The following LAMA5 variants were observed in gnomAD, a reference collection of about 807,000 sequenced individuals.
The protein encoded by LAMA5 is laminin subunit alpha 5, also known as laminin subunit alpha-5.
A neutral mutation model predicts 433.4 loss-of-function variants in LAMA5; 260 were observed. The observed-to-expected ratio is 0.60, with a 90% CI of 0.54 to 0.66. LAMA5 has a LOEUF of 0.66. Ranked by LOEUF, LAMA5 falls within the 30% of genes least tolerant of loss-of-function variation. LAMA5 has a pLI of 0.00. For missense variants in LAMA5, 5,378 were observed against 5,258.5 expected, an observed-to-expected ratio of 1.02 and a Z score of -0.70; for synonymous variants, 2,620 against 2,226.6, an observed-to-expected ratio of 1.18 and a Z score of -4.97.
At position 62,309,796 on chromosome 20, in the gene LAMA5, G is replaced by A. The variant is rs140197067; in HGVS notation, c.10868C>T (p.Ala3623Val). Residue 3623 changes from alanine (A) to valine (V), a missense_variant, in exon 79 of 80, where the codon GCG (alanine) becomes GTG (valine). By Grantham distance (64) the Ala-to-Val change is moderately conservative (BLOSUM62 0). Coordinates refer to ENST00000252999, the MANE Select transcript of LAMA5 (RefSeq NM_005560.6). ...GGGGCCCACGGTGTGGTTGCTCTGCGCGTCCACCTCCAGCCGGAGCACATT... is the reference window on the plus strand; with the variant it reads ...GGGGCCCACGGTGTGGTTGCTCTGCACGTCCACCTCCAGCCGGAGCACATT... ...SGNVLRLEVD[A>V]QSNHTVGPLL... The A allele has an allele frequency of 8.5e-3, 13,761 of 1,610,506 alleles. 90 individuals carry two copies. Among genetic ancestry groups the A allele is most frequent in the Non-Finnish European group, 0.011 (12,553 of 1,179,260 alleles).
Position 62,338,616 on chromosome 20 carries a change from G to T in LAMA5, c.1478-8C>A. Reference sequence around the variant, plus strand: ...CCGCGCTGCAGTCACAATCTGGAGGGTGGGGACAGGCAGGGGAGTCTCAGA... The same window carrying T: ...CCGCGCTGCAGTCACAATCTGGAGGTTGGGGACAGGCAGGGGAGTCTCAGA... On this transcript the variant is annotated splice_polypyrimidine_tract_variant and splice_region_variant and intron_variant, in intron 11 of 79. Transcript: ENST00000252999. The T allele has an allele frequency of 1.2e-6, 2 of 1,605,688 alleles. No homozygotes were observed. The highest frequency in any genetic ancestry group is 1.7e-6 in the Non-Finnish European group (2 of 1,178,126).
intron 11 of LAMA5, among the ~76,000 whole-genome samples, chr20:62,341,080 A>AAAAT (rs1982527994): frequency 6.7e-6 from 1 of 150,362 alleles, no homozygotes; most frequent in Admixed American, 6.6e-5. Flanking sequence ...ATAAATAAAT[A>AAAAT]AAATTAAAAA....
intron 28 of LAMA5, among the ~76,000 whole-genome samples, chr20:62,331,495 C>T (rs1308996843): frequency 4.6e-5 from 7 of 152,140 alleles, no homozygotes; most frequent in Admixed American, 1.3e-4. Flanking sequence ...TGCGGCTCCT[C>T]CCATAGCCCT....
rs372254142 is a variant in LAMA5 at position 62,323,480 on chromosome 20, C to T, written c.6040G>A (p.Ala2014Thr). The change falls in exon 45 of 80, where the codon GCC becomes ACC. Residue 2014 changes from alanine to threonine, a missense_variant. Transcript: ENST00000252999. ...EICAPGFYGN[A>T]LLPGNCTRCD... The stretch of plus-strand genomic sequence containing the variant: ...CGGGTGCAGTTGCCGGGCAGCAGGG[C>T]GTTGCCGTAGAAGCCGGGGGCACAG... The T allele has an allele frequency of 1.4e-5, 22 of 1,546,718 alleles. No homozygotes were observed. Among genetic ancestry groups the T allele is most frequent in the East Asian group, 7.2e-5 (3 of 41,588 alleles).
intron 48 of LAMA5, among the ~76,000 whole-genome samples, chr20:62,321,768 G>A (rs1484782363): frequency 6.8e-6 from 1 of 146,660 alleles, no homozygotes; most frequent in Non-Finnish European, 1.5e-5. Flanking sequence ...GGTCAGTGGG[G>A]GAGGAAGGGC....
rs752379486 is a variant in LAMA5 at position 62,327,222 on chromosome 20, G to A, written c.5112+11C>T. 5.3e-4 allele frequency: 789 copies of A among 1,495,494 alleles called. No individual in the cohort carries two copies. Among genetic ancestry groups the A allele is most frequent in the Non-Finnish European group, 6.5e-4 (728 of 1,126,338 alleles). The allele number at this position is 1,495,494 out of a possible 1,614,324, so 92.6% of individuals were successfully genotyped here. A position where few individuals can be genotyped will look rare whatever the true frequency, so the allele number is the denominator to read the frequency against. On this transcript the variant is annotated intron_variant, in intron 38 of 79. Coordinates refer to ENST00000252999, the MANE Select transcript of LAMA5 (RefSeq NM_005560.6). ...TCAAAGTGCCTCCCCCAGACCTGAT[G>A]CCCTGCTTACCCGGTCCCCCAGGTA...
intron 11 of LAMA5, chr20:62,342,089 G>C (rs1207317451): frequency 6.4e-6 from 1 of 156,518 alleles, no homozygotes; most frequent in Non-Finnish European, 1.4e-5. Context: ...GATCACTTGT[G>C]GTCAGAGTTC....
chr20:62,313,421 T>C lies in LAMA5; in HGVS notation c.8698A>G (p.Ile2900Val), dbSNP rs779541956. ...LLRFPGYRGC[I>V]EMDTLNEEVV... ...TCCTCATTCAGCGTGTCCATCTCGA[T>C]GCAGCCCCGGTAGCCGGGGAAGCGA... The change falls in exon 64 of 80, where the codon ATC becomes GTC. Residue 2900 changes from isoleucine to valine, a missense_variant. Coordinates refer to ENST00000252999, the MANE Select transcript of LAMA5 (RefSeq NM_005560.6). 15 of 1,610,476 alleles carry C rather than the reference T, an allele frequency of 9.3e-6. No homozygotes were observed. Among genetic ancestry groups the C allele is most frequent in the Non-Finnish European group, 1.3e-5 (15 of 1,179,126 alleles).
At chr20:62,351,377 A>G (rs1984261599) in intron 6 of LAMA5, 1 of 475,244 alleles carries the variant, frequency 2.1e-6, no homozygotes, top group South Asian at 3.1e-5. Flanking sequence ...ACTCCCCTCC[A>G]CAGGGCCCCA....
At chr20:62,320,421 C>G in intron 50 of LAMA5, 138 bp downstream of exon 50, 2 of 646,260 alleles carry the variant, frequency 3.1e-6, no homozygotes, top group Non-Finnish European at 5.4e-6. Flanking sequence ...TGGTCAACCC[C>G]TAAGACTCTC....
At chr20:62,314,141 T>G (rs1250494313) in intron 62 of LAMA5, among the ~76,000 whole-genome samples, 163 bp downstream of exon 62, 42 of 44,002 alleles carry the variant, frequency 9.5e-4, no homozygotes, top group Non-Finnish European at 1.1e-3. Context: ...GGGTGGCGAG[T>G]GGGCACAGAG....
At chr20:62,328,748 G>C in intron 34 of LAMA5, 96 bp downstream of exon 34, 1 of 1,260,268 alleles carries the variant, frequency 7.9e-7, no homozygotes, top group Non-Finnish European at 1.1e-6. Flanking sequence ...CCAGGCTCTA[G>C]AACATTCTCC....
Position 62,318,627 on chromosome 20 carries a change from G to A in LAMA5, c.7066C>T (p.Leu2356=), listed in dbSNP as rs1332048134. ...QRLLARVQEQ[L]SSLWEENQAL... ...TGGTTCTCCTCCCAGAGGCTGCTCA[G>A]CTGCTCCTGCACCCGGGCCAGCACT... is the stretch of plus-strand genomic sequence containing the variant. The change falls in exon 53 of 80, where the codon CTG becomes TTG. Residue 2356 remains leucine (L), a synonymous_variant. Coordinates refer to ENST00000252999, the MANE Select transcript of LAMA5 (RefSeq NM_005560.6). The A allele has an allele frequency of 6.2e-7, 1 of 1,610,586 alleles. No homozygotes were observed.
chr20:62,338,469 C>T lies in LAMA5; in HGVS notation c.1617G>A (p.Gln539=), dbSNP rs746722458. The T allele has an allele frequency of 1.2e-5, 19 of 1,608,178 alleles. No homozygotes were observed. The highest frequency in any genetic ancestry group is 3.4e-6 in the Non-Finnish European group (4 of 1,178,364). Residue 539 remains glutamine, a splice_region_variant and synonymous_variant, in exon 12 of 80, where the codon CAG becomes CAA. Coordinates refer to ENST00000252999, the MANE Select transcript of LAMA5 (RefSeq NM_005560.6). The part of the protein sequence containing the change: ...CAPGFYGPGC[Q]PCQCSSPGVA... ...GTTGAGCGGGGAGAGGGGACTCACG[C>T]TGGCAGCCGGGGCCGTAGAACCCTG...
intron 70 of LAMA5, 32 bp from the exon 71 acceptor site, chr20:62,311,816 T>TGGGC: frequency 1.1e-4 from 171 of 1,520,106 alleles, no homozygotes; most frequent in Non-Finnish European, 1.4e-4. Context: ...GCTCGGTTTT[T>TGGGC]CCCCACCCTG....
chr20:62,334,489 C>T, intron 21 of LAMA5, 33 bp downstream of exon 21: 1 of 1,529,522 alleles, frequency 6.5e-7, no homozygotes, highest in South Asian at 1.2e-5. Context: ...GCCTGCCCCG[C>T]TCCCCACCAC....
At chr20:62,311,832 C>A in intron 70 of LAMA5, 48 bp from the exon 71 acceptor site, 2 of 1,556,950 alleles carry the variant, frequency 1.3e-6, no homozygotes, top group East Asian at 4.5e-5. Context: ...CCCTGCCCAC[C>A]CCCACCTCAG....
intron 79 of LAMA5, 70 bp downstream of exon 79, chr20:62,309,646 A>AGGGGGG (rs1267405426): frequency 3.8e-6 from 1 of 265,542 alleles, no homozygotes; most frequent in Non-Finnish European, 5.7e-6. Flanking sequence ...GGGTGGGGGG[A>AGGGGGG]GGGTGGTAGG....
Position 62,334,300 on chromosome 20 carries a change from G to A in LAMA5, c.2625C>T (p.Arg875=), listed in dbSNP as rs1981116406. The A allele has an allele frequency of 1.9e-6, 3 of 1,611,074 alleles. No individual in the cohort carries two copies. The highest frequency in any genetic ancestry group is 2.5e-6 in the Non-Finnish European group (3 of 1,179,184). ...DHYLPDLHHL[R]LELEEAATPE... ...GTGTGGCAGCCTCCTCCAGCTCCAG[G>A]CGCAGGTGGTGCAGGTCCGGGAGGT... Residue 875 remains arginine (R), a synonymous_variant, in exon 22 of 80, where the codon CGC becomes CGT. Coordinates refer to ENST00000252999, the MANE Select transcript of LAMA5 (RefSeq NM_005560.6).
Sources: gnomAD v4.1 joint callset for allele counts (sites outside exome capture counted in the v4.1 genomes callset) on GRCh38, gnomAD v4.1.1 for gene constraint, MANE v1.5 for transcripts, NCBI Gene and HGNC (gene_info 2026-07-23, HGNC 2026-07-21) for gene names.